Variants in CDH23 observed in about 807,000 individuals in gnomAD.
The protein encoded by CDH23 is cadherin related 23.
A neutral mutation model predicts 317.1 loss-of-function variants in CDH23; 189 were observed. That is an observed-to-expected ratio of 0.60 (90% CI 0.53 to 0.67). The LOEUF (loss-of-function observed/expected upper bound fraction) is 0.67, where lower values mean the gene tolerates loss of function less well. Ranked by LOEUF, CDH23 falls within the 30% of genes least tolerant of loss-of-function variation. CDH23 has a pLI of 0.00. For missense variants in CDH23, 4,401 were observed against 4,592.4 expected, an observed-to-expected ratio of 0.96 and a Z score of 1.20; for synonymous variants, 1,839 against 1,876.8, an observed-to-expected ratio of 0.98 and a Z score of 0.52.
intron 11 of CDH23, among the ~76,000 whole-genome samples, chr10:71,632,973 G>A (rs973948292): frequency 6.6e-6 from 1 of 152,098 alleles, no homozygotes; most frequent in Non-Finnish European, 1.5e-5. Context: ...TTGCTGGTGG[G>A]GGCTCTCTGC....
At position 71,523,851 on chromosome 10, in the gene CDH23, G is replaced by A. The variant is rs191824602; in HGVS notation, c.429+12639G>A. 2.1e-3 allele frequency among the ~76,000 whole-genome samples: 322 copies of A among 152,228 alleles called. 1 individual carries two copies. Among genetic ancestry groups the A allele is most frequent in the African/African-American group, 7.2e-3 (298 of 41,532 alleles). On this transcript the variant is annotated intron_variant, in intron 6 of 69. Transcript: ENST00000224721. ...CGGAAGGCTGGCGGGGTCTCATCCC[G>A]GCCCCCTCTCCAGCCTCCCCTTAAA...
intron 38 of CDH23, among the ~76,000 whole-genome samples, chr10:71,763,624 C>T (rs1355873010): frequency 6.6e-6 from 1 of 152,212 alleles, no homozygotes; most frequent in African/African-American, 2.4e-5. Flanking sequence ...GCCACTTAGA[C>T]GCTGAGCCCC....
intron 3 of CDH23, chr10:71,509,777 T>G: frequency 1.1e-5 from 4 of 377,356 alleles, no homozygotes; most frequent in Non-Finnish European, 2.0e-5. Flanking sequence ...GAGAAGGAGG[T>G]CTTCAAATTA....
At chr10:71,484,545 G>C (rs1363023148) in intron 3 of CDH23, among the ~76,000 whole-genome samples, 3 of 152,210 alleles carry the variant, frequency 2.0e-5, no homozygotes, top group Admixed American at 6.5e-5. Flanking sequence ...TGCTCTGACA[G>C]CTCTTTCAGC....
chr10:71,416,507 C>T (rs907032310), intron 1 of CDH23, among the ~76,000 whole-genome samples: 10 of 152,086 alleles, frequency 6.6e-5, no homozygotes, highest in Admixed American at 5.2e-4. Flanking sequence ...AGCCAGCATT[C>T]GTTTGCTTAC....
At chr10:71,718,914 A>G (rs2132783079) in intron 28 of CDH23, among the ~76,000 whole-genome samples, 1 of 152,160 alleles carries the variant, frequency 6.6e-6, no homozygotes, top group African/African-American at 2.4e-5. Context: ...AAGAAAAAAA[A>G]AAAAGGTTTT....
At chr10:71,802,084 G>GA (rs1841572925) in intron 53 of CDH23, among the ~76,000 whole-genome samples, 1 of 152,190 alleles carries the variant, frequency 6.6e-6, no homozygotes, top group Non-Finnish European at 1.5e-5. Context: ...GAGGCGGGGG[G>GA]ATCACCTGAG....
intron 3 of CDH23, among the ~76,000 whole-genome samples, chr10:71,460,382 C>G (rs1375886111): frequency 6.6e-6 from 1 of 152,254 alleles, no homozygotes; most frequent in Non-Finnish European, 1.5e-5. Context: ...GCCTGTGGGC[C>G]CTCCTTTCCT....
chr10:71,577,851 T>C (rs1858323520), intron 8 of CDH23, 63 bp from the exon 9 acceptor site: 1 of 1,394,908 alleles, frequency 7.2e-7, no homozygotes, highest in Admixed American at 2.0e-5. Context: ...GGTGCCATGA[T>C]AGCTACAAAG....
intron 1 of CDH23, among the ~76,000 whole-genome samples, chr10:71,423,717 T>C (rs544446443): frequency 6.6e-6 from 1 of 152,324 alleles, no homozygotes; most frequent in Non-Finnish European, 1.5e-5. Flanking sequence ...TTTAGGGTCA[T>C]GCCTCTATCC....
intron 46 of CDH23, 145 bp downstream of exon 46, chr10:71,790,558 G>T: frequency 8.9e-7 from 1 of 1,118,992 alleles, no homozygotes; most frequent in Non-Finnish European, 1.3e-6. Flanking sequence ...TCCCCATCTT[G>T]CAGCTGGGTT....
intron 38 of CDH23, among the ~76,000 whole-genome samples, chr10:71,759,936 T>TACACACATATATACAC (rs1840276557): frequency 3.8e-5 from 2 of 52,950 alleles, no homozygotes; most frequent in East Asian, 1.7e-3. Context: ...CACACATATA[T>TACACACATATATACAC]ACACACACAC....
At chr10:71,672,411 G>T (rs1864187537) in intron 14 of CDH23, among the ~76,000 whole-genome samples, 1 of 152,176 alleles carries the variant, frequency 6.6e-6, no homozygotes, top group Non-Finnish European at 1.5e-5. Flanking sequence ...CCCAAGGTCA[G>T]TGCTGCTGCC....
intron 14 of CDH23, among the ~76,000 whole-genome samples, chr10:71,671,019 G>T (rs1178915921): frequency 6.6e-6 from 1 of 150,710 alleles, no homozygotes; most frequent in Non-Finnish European, 1.5e-5. Flanking sequence ...GAGTGCAGTG[G>T]TGCAATCTCG....
chr10:71,549,123 T>C (rs1856445571), intron 6 of CDH23, among the ~76,000 whole-genome samples: 2 of 152,266 alleles, frequency 1.3e-5, no homozygotes, highest in South Asian at 4.1e-4. Flanking sequence ...AGCCAGGATC[T>C]GACCCCTGAA....
chr10:71,466,436 G>A (rs1589108022), intron 3 of CDH23, among the ~76,000 whole-genome samples: 1 of 152,252 alleles, frequency 6.6e-6, no homozygotes, highest in East Asian at 1.9e-4. Context: ...CCCTGCCCAT[G>A]TGTGAGTGTA....
chr10:71,475,178 C>G lies in CDH23; in HGVS notation c.145+28783C>G, dbSNP rs546425971. 3.9e-5 allele frequency among the ~76,000 whole-genome samples: 6 copies of G among 152,278 alleles called. No homozygotes were observed. The South Asian group carries it at 1.2e-3, about 32-fold the overall frequency. On this transcript the variant is annotated intron_variant, in intron 3 of 69. Transcript: ENST00000224721. ...GCTGCTTTTCTGGGCCAGTGTGGCT[C>G]TCTTCTCACCACCAGCACAGGGAGG...
chr10:71,486,470 TGAGGGGACACATGACAGGGGCTC>T (rs911809828), intron 3 of CDH23, among the ~76,000 whole-genome samples: 5 of 151,340 alleles, frequency 3.3e-5, no homozygotes, highest in East Asian at 1.9e-4. Context: ...GCGGGGATTA[TGAGGGGACACATGACAGGGGCTC>T]GAGGGGACAC....
At chr10:71,789,371 C>A (rs1281163959) in intron 45 of CDH23, among the ~76,000 whole-genome samples, 1 of 152,164 alleles carries the variant, frequency 6.6e-6, no homozygotes, top group Non-Finnish European at 1.5e-5. Context: ...CTCACTGCTC[C>A]CTCCACCCCA....
Sources: gnomAD v4.1 joint callset for allele counts (sites outside exome capture counted in the v4.1 genomes callset) on GRCh38, gnomAD v4.1.1 for gene constraint, MANE v1.5 for transcripts, NCBI Gene and HGNC (gene_info 2026-07-23, HGNC 2026-07-21) for gene names.